NRXN1: variants seen among roughly 807,000 people sequenced by gnomAD.
NRXN1 encodes the protein neurexin 1.
A neutral mutation model predicts 150.9 loss-of-function variants in NRXN1; 39 were observed. The observed-to-expected ratio is 0.26, with a 90% CI of 0.20 to 0.34. The LOEUF (loss-of-function observed/expected upper bound fraction) is 0.34, where lower values mean the gene tolerates loss of function less well. Among genes scored for constraint, NRXN1 ranks in the 10% least tolerant of loss-of-function variants. The pLI, the probability that NRXN1 is intolerant of heterozygous loss-of-function variation, is 1.00. For synonymous variants in NRXN1, 924 were observed against 757.0 expected (o/e 1.22, Z -3.62); for missense variants, 1,815 against 1,949.9 (o/e 0.93, Z 1.30).
At chr2:50,248,676 T>G (rs1261104827) in intron 17 of NRXN1, among the ~76,000 whole-genome samples, 1 of 152,174 alleles carries the variant, frequency 6.6e-6, no homozygotes, top group Non-Finnish European at 1.5e-5. Context: ...ATCATTGAAA[T>G]TCTTATGAAA....
chr2:50,858,495 T>C (rs1007750151), intron 5 of NRXN1, among the ~76,000 whole-genome samples: 1 of 152,058 alleles, frequency 6.6e-6, no homozygotes, highest in Non-Finnish European at 1.5e-5. Flanking sequence ...CAATTTATTT[T>C]ACAGTGTGAG....
chr2:50,204,894 T>C (rs2062452089), intron 18 of NRXN1, among the ~76,000 whole-genome samples: 1 of 152,080 alleles, frequency 6.6e-6, no homozygotes, highest in Non-Finnish European at 1.5e-5. Context: ...TTACTACTAC[T>C]ATTACTTCTG....
chr2:50,345,886 G>C (rs938331034), intron 17 of NRXN1, among the ~76,000 whole-genome samples: 6 of 152,322 alleles, frequency 3.9e-5, no homozygotes, highest in Admixed American at 2.6e-4. Context: ...AGACCTCCCT[G>C]GTTCCAATAG....
intron 17 of NRXN1, among the ~76,000 whole-genome samples, chr2:50,239,662 GTATATATATA>G (rs59505952): frequency 0.042 from 1,970 of 46,978 alleles, 48 homozygotes; most frequent in East Asian, 0.11. Flanking sequence ...ACCTATTCCA[GTATATATATA>G]TATATATATA....
At chr2:50,695,053 G>T (rs1006601884) in intron 5 of NRXN1, among the ~76,000 whole-genome samples, 1 of 151,996 alleles carries the variant, frequency 6.6e-6, no homozygotes, top group African/African-American at 2.4e-5. Flanking sequence ...CAGTTTCCTA[G>T]GCTTAATTTT....
rs370149469 is a variant in NRXN1, at chr2:50,749,485, C to T, written c.833-125870G>A. Among the ~76,000 whole-genome samples the T allele has an allele frequency of 1.6e-4, 25 of 152,052 alleles. 1 individual carries two copies. In the East Asian group the frequency reaches 3.5e-3, roughly 21 times the overall value. ...ATTTCCCAGGAATTAGTGCATAACC[C>T]TCTACAGCTGCTGGGCCTCAGAAAC... On this transcript the variant is annotated intron_variant, in intron 5 of 22. Transcript: ENST00000401669.
intron 17 of NRXN1, among the ~76,000 whole-genome samples, chr2:50,261,797 C>T (rs571538387): frequency 6.6e-6 from 1 of 151,882 alleles, no homozygotes; most frequent in Non-Finnish European, 1.5e-5. Context: ...TCTCCTTGTC[C>T]TATGTGAAAA....
At chr2:49,982,474 C>CT (rs1680143573) in intron 21 of NRXN1, among the ~76,000 whole-genome samples, 2 of 113,662 alleles carry the variant, frequency 1.8e-5, no homozygotes, top group African/African-American at 5.7e-5. Flanking sequence ...AGTAAATCTA[C>CT]TTAAAAAAAA....
At chr2:49,966,890 A>G (rs189991460) in intron 21 of NRXN1, among the ~76,000 whole-genome samples, 1 of 152,148 alleles carries the variant, frequency 6.6e-6, no homozygotes, top group African/African-American at 2.4e-5. Context: ...GAAAAATCCA[A>G]CATTTAAAAG....
At chr2:50,769,918 T>C (rs1702804075) in intron 5 of NRXN1, among the ~76,000 whole-genome samples, 1 of 152,024 alleles carries the variant, frequency 6.6e-6, no homozygotes, top group Admixed American at 6.6e-5. Context: ...GCTGAACAAA[T>C]AATGTTTGGG....
intron 5 of NRXN1, among the ~76,000 whole-genome samples, chr2:50,790,550 G>T (rs1054338336): frequency 5.9e-5 from 9 of 152,192 alleles, no homozygotes; most frequent in Admixed American, 1.3e-4. Flanking sequence ...GAACCTGGGA[G>T]AGAGAGGTTG....
At chr2:50,502,956 T>C (rs1250662327) in intron 13 of NRXN1, among the ~76,000 whole-genome samples, 1 of 152,112 alleles carries the variant, frequency 6.6e-6, no homozygotes, top group East Asian at 1.9e-4. Flanking sequence ...AAATGGCTAA[T>C]TCTAGGGGCG....
chr2:50,441,307 C>T (rs897286945), intron 17 of NRXN1, among the ~76,000 whole-genome samples: 2 of 152,048 alleles, frequency 1.3e-5, no homozygotes, highest in Non-Finnish European at 2.9e-5. Context: ...TTCTTTTTTA[C>T]TTCTCTGATT....
rs186196170 is a variant in NRXN1, at chr2:50,901,078, A to C, written c.832+20791T>G. Reference sequence around the variant, plus strand: ...GGTATCACTATCTGACACACTATTTATCTGGCTTTTGTTGTTTTTGTTAAT... The same window carrying C: ...GGTATCACTATCTGACACACTATTTCTCTGGCTTTTGTTGTTTTTGTTAAT... On this transcript the variant is annotated intron_variant, in intron 5 of 22. Transcript: ENST00000401669. Among the ~76,000 whole-genome samples the C allele has an allele frequency of 2.4e-4, 37 of 152,152 alleles. No individual in the cohort carries two copies. The East Asian group carries it at 5.2e-3, about 21-fold the overall frequency.
At position 50,769,641 on chromosome 2, in the gene NRXN1, C is replaced by T. The variant is rs572166113; in HGVS notation, c.833-146026G>A. Among the ~76,000 whole-genome samples, 142 of 152,114 alleles carry T rather than the reference C, an allele frequency of 9.3e-4. 1 individual carries two copies. Among genetic ancestry groups the T allele is most frequent in the Middle Eastern group, 3.4e-3 (1 of 292 alleles). On this transcript the variant is annotated intron_variant, in intron 5 of 22. Transcript: ENST00000401669. ...TTGCCTGGAAACGGCCTGATTACAA[C>T]GAACTCACTAGGCTACAAGGAAATT...
chr2:50,849,297 G>T (rs975547135), intron 5 of NRXN1, among the ~76,000 whole-genome samples: 1 of 152,116 alleles, frequency 6.6e-6, no homozygotes, highest in Non-Finnish European at 1.5e-5. Flanking sequence ...TAGACCACTT[G>T]GAATTGTAAA....
intron 21 of NRXN1, among the ~76,000 whole-genome samples, chr2:50,029,168 C>A (rs77882116): frequency 0.071 from 10,831 of 152,224 alleles, 487 homozygotes; most frequent in Middle Eastern, 0.15. Flanking sequence ...ATGTGAGAGA[C>A]AACACAGCTA....
At chr2:50,840,555 A>G (rs1052347686) in intron 5 of NRXN1, among the ~76,000 whole-genome samples, 3 of 152,068 alleles carry the variant, frequency 2.0e-5, no homozygotes, top group Non-Finnish European at 2.9e-5. Context: ...TGACAGACCA[A>G]TTTCAATTAC....
intron 22 of NRXN1, chr2:49,926,513 T>C: frequency 2.5e-6 from 1 of 395,332 alleles, no homozygotes; most frequent in Non-Finnish European, 4.5e-6. Flanking sequence ...TTCTGCACTA[T>C]GCTCTAAATC....
Sources: gnomAD v4.1 joint callset for allele counts (sites outside exome capture counted in the v4.1 genomes callset) on GRCh38, gnomAD v4.1.1 for gene constraint, MANE v1.5 for transcripts, NCBI Gene and HGNC (gene_info 2026-07-23, HGNC 2026-07-21) for gene names.